The following ZMAT4 variants were observed in gnomAD, a reference collection of about 807,000 sequenced individuals.
ZMAT4 encodes the protein zinc finger matrin-type protein 4.
In ZMAT4, 17 loss-of-function variants were observed where a neutral mutation model predicts 28.7. That is an observed-to-expected ratio of 0.59 (90% CI 0.41 to 0.89). ZMAT4 has a LOEUF of 0.89. ZMAT4 is among the 40% of genes least tolerant of loss of function. The pLI is 0.00. For synonymous variants in ZMAT4, 117 were observed against 109.2 expected, an observed-to-expected ratio of 1.07 and a Z score of -0.44; for missense variants, 240 against 283.8, an observed-to-expected ratio of 0.85 and a Z score of 1.11.
chr8:40,657,737 A>T (rs1331421611), intron 5 of ZMAT4, among the ~76,000 whole-genome samples: 1 of 152,200 alleles, frequency 6.6e-6, no homozygotes, highest in Non-Finnish European at 1.5e-5. Context: ...AACAAAGTTG[A>T]ACAAAATGAT....
At chr8:40,697,984 G>A (rs1025763285) in intron 3 of ZMAT4, among the ~76,000 whole-genome samples, 4 of 152,272 alleles carry the variant, frequency 2.6e-5, no homozygotes, top group Non-Finnish European at 1.5e-5. Context: ...AGTTCAGATA[G>A]CCTGAATTAT....
intron 5 of ZMAT4, among the ~76,000 whole-genome samples, chr8:40,595,877 A>G (rs541233249): frequency 6.6e-6 from 1 of 152,236 alleles, no homozygotes; most frequent in South Asian, 2.1e-4. Flanking sequence ...TAAGGTCAGG[A>G]GTTCAAGACC....
At chr8:40,556,719 A>G (rs537522760) in intron 6 of ZMAT4, among the ~76,000 whole-genome samples, 2 of 152,194 alleles carry the variant, frequency 1.3e-5, no homozygotes. Context: ...AAAATATTTT[A>G]CGTATCTATG....
At chr8:40,637,178 C>T (rs1012355010) in intron 5 of ZMAT4, among the ~76,000 whole-genome samples, 2 of 151,850 alleles carry the variant, frequency 1.3e-5, no homozygotes, top group Non-Finnish European at 2.9e-5. Context: ...AACCACATTT[C>T]TCAGTCAAAT....
chr8:40,643,526 T>A (rs1368413123), intron 5 of ZMAT4, among the ~76,000 whole-genome samples: 1 of 152,184 alleles, frequency 6.6e-6, no homozygotes, highest in African/African-American at 2.4e-5. Flanking sequence ...TTGTGCTAAA[T>A]GTTAATCATA....
intron 3 of ZMAT4, among the ~76,000 whole-genome samples, chr8:40,730,403 G>A (rs1358465222): frequency 6.6e-6 from 1 of 152,214 alleles, no homozygotes; most frequent in Admixed American, 6.5e-5. Context: ...TTGGAAATAT[G>A]AGCATGTCTG....
chr8:40,574,193 A>G (rs1804188388), intron 6 of ZMAT4, among the ~76,000 whole-genome samples: 1 of 152,176 alleles, frequency 6.6e-6, no homozygotes, highest in Non-Finnish European at 1.5e-5. Context: ...TGAAATCCTT[A>G]AAAGCTTTGA....
chr8:40,594,508 C>A (rs1274681240), intron 5 of ZMAT4, among the ~76,000 whole-genome samples: 2 of 152,080 alleles, frequency 1.3e-5, no homozygotes, highest in Non-Finnish European at 2.9e-5. Flanking sequence ...GTGTTTGTAA[C>A]CCTTATGTGT....
At chr8:40,833,361 A>G (rs930258839) in intron 1 of ZMAT4, among the ~76,000 whole-genome samples, 7 of 152,084 alleles carry the variant, frequency 4.6e-5, no homozygotes, top group Non-Finnish European at 1.0e-4. Flanking sequence ...TGAGGTCAGG[A>G]GTTCGAGACC....
chr8:40,762,822 A>G (rs1178794558), intron 3 of ZMAT4, among the ~76,000 whole-genome samples: 1 of 152,168 alleles, frequency 6.6e-6, no homozygotes, highest in Non-Finnish European at 1.5e-5. Context: ...ACTTATAGCC[A>G]CCAGAACTGC....
At chr8:40,604,534 A>G (rs999135873) in intron 5 of ZMAT4, among the ~76,000 whole-genome samples, 1 of 152,214 alleles carries the variant, frequency 6.6e-6, no homozygotes, top group African/African-American at 2.4e-5. Context: ...ATTAGCTTGC[A>G]TATGTCGAAC....
chr8:40,776,326 T>C (rs1813594662), intron 2 of ZMAT4, among the ~76,000 whole-genome samples: 1 of 152,236 alleles, frequency 6.6e-6, no homozygotes, highest in South Asian at 2.1e-4. Flanking sequence ...AAATTTTTGC[T>C]GGAGAAAAAA....
intron 3 of ZMAT4, among the ~76,000 whole-genome samples, chr8:40,705,536 C>T (rs1406249142): frequency 1.3e-5 from 2 of 152,118 alleles, no homozygotes; most frequent in African/African-American, 2.4e-5. Context: ...AATGAGGCCA[C>T]ATTTAAATAT....
intron 1 of ZMAT4, among the ~76,000 whole-genome samples, chr8:40,878,062 T>G (rs1180360053): frequency 1.3e-5 from 2 of 152,202 alleles, no homozygotes; most frequent in African/African-American, 4.8e-5. Context: ...CAATAGCCAC[T>G]GAATTTTCAA....
chr8:40,601,912 T>C (rs1352483753), intron 5 of ZMAT4, among the ~76,000 whole-genome samples: 1 of 152,174 alleles, frequency 6.6e-6, no homozygotes, highest in African/African-American at 2.4e-5. Context: ...ACAGGTGGTG[T>C]TTGGTTACAT....
At chr8:40,824,039 A>T (rs560079537) in intron 2 of ZMAT4, among the ~76,000 whole-genome samples, 1 of 152,148 alleles carries the variant, frequency 6.6e-6, no homozygotes, top group Non-Finnish European at 1.5e-5. Context: ...AATCCTGAGG[A>T]GTATGCAGGG....
At chr8:40,653,813 C>G (rs929882185) in intron 5 of ZMAT4, among the ~76,000 whole-genome samples, 10 of 152,152 alleles carry the variant, frequency 6.6e-5, no homozygotes, top group African/African-American at 2.4e-4. Flanking sequence ...TGGATGGCTT[C>G]ATTGGTGAAT....
chr8:40,643,075 T>G (rs1457705991), intron 5 of ZMAT4, among the ~76,000 whole-genome samples: 1 of 152,212 alleles, frequency 6.6e-6, no homozygotes, highest in Non-Finnish European at 1.5e-5. Flanking sequence ...AGCTATGAGG[T>G]GCAGGTGTAA....
chr8:40,556,504 GA>G (rs1180635268), intron 6 of ZMAT4, among the ~76,000 whole-genome samples: 2 of 152,040 alleles, frequency 1.3e-5, no homozygotes, highest in Non-Finnish European at 2.9e-5. Context: ...TAATGTCTTA[GA>G]TAAATCTCTT....
Sources: allele counts gnomAD v4.1 joint callset (sites outside exome capture counted in the v4.1 genomes callset), GRCh38; gene constraint gnomAD v4.1.1; transcripts MANE v1.5; gene names NCBI Gene and HGNC (gene_info 2026-07-23, HGNC 2026-07-21).